SNX9: variants seen among roughly 807,000 people sequenced by gnomAD.
The protein encoded by SNX9 is sorting nexin 9.
SNX9 carries 44 observed loss-of-function variants against 89.4 expected under a neutral mutation model. The ratio of observed to expected loss-of-function variants is 0.49; its 90% CI spans 0.39 to 0.63. The LOEUF (loss-of-function observed/expected upper bound fraction) is 0.63. SNX9 is among the 30% of genes least tolerant of loss of function. The probability of loss-of-function intolerance (pLI) is 0.00; values close to 1 mark genes in which losing one functional copy is unlikely to be tolerated. For synonymous variants in SNX9, 236 were observed against 247.8 expected (o/e 0.95, Z 0.45); for missense variants, 578 against 736.1 (o/e 0.79, Z 2.49).
At chr6:157,921,697 T>C in intron 10 of SNX9, 36 bp downstream of exon 10, 2 of 1,597,524 alleles carry the variant, frequency 1.3e-6, no homozygotes, top group African/African-American at 2.7e-5. Flanking sequence ...CAGAGAATAT[T>C]GAGAGTTGTC....
chr6:157,874,870 A>G, intron 3 of SNX9, 181 bp from the exon 4 acceptor site: 1 of 536,062 alleles, frequency 1.9e-6, no homozygotes, highest in Non-Finnish European at 3.1e-6. Flanking sequence ...AAATAGTTTG[A>G]ACTAAATAAA....
intron 4 of SNX9, among the ~76,000 whole-genome samples, chr6:157,885,712 G>A (rs543395943): frequency 9.2e-5 from 14 of 152,198 alleles, no homozygotes; most frequent in African/African-American, 3.1e-4. Context: ...GGTGATAGGC[G>A]GACCCCTGAA....
chr6:157,831,006 A>G (rs1174217082), intron 1 of SNX9, among the ~76,000 whole-genome samples: 2 of 152,118 alleles, frequency 1.3e-5, no homozygotes, highest in East Asian at 1.9e-4. Flanking sequence ...AGTTTCGGTT[A>G]TCTTCTATTT....
chr6:157,829,123 T>G (rs1459274524), intron 1 of SNX9: 3 of 141,620 alleles, frequency 2.1e-5, no homozygotes, highest in Non-Finnish European at 4.4e-5. Context: ...AACACAAAAT[T>G]TACATCTGCA....
chr6:157,868,829 C>T (rs1163023716), intron 2 of SNX9, among the ~76,000 whole-genome samples: 2 of 152,202 alleles, frequency 1.3e-5, no homozygotes, highest in Admixed American at 6.5e-5. Context: ...CTGAGTAAAA[C>T]TTGAACCCAT....
intron 4 of SNX9, among the ~76,000 whole-genome samples, chr6:157,884,747 T>C (rs1782698963): frequency 6.6e-6 from 1 of 152,254 alleles, no homozygotes; most frequent in African/African-American, 2.4e-5. Flanking sequence ...CCCTGACATC[T>C]ATGAGACAGC....
At chr6:157,932,982 T>C (rs1176519014) in intron 13 of SNX9, among the ~76,000 whole-genome samples, 1 of 152,010 alleles carries the variant, frequency 6.6e-6, no homozygotes, top group African/African-American at 2.4e-5. Flanking sequence ...CTCATAACTG[T>C]TTCAGCTTAT....
intron 9 of SNX9, among the ~76,000 whole-genome samples, chr6:157,911,088 A>G (rs1459157485): frequency 6.6e-6 from 1 of 151,610 alleles, no homozygotes; most frequent in Non-Finnish European, 1.5e-5. Flanking sequence ...ACTCCAGCCC[A>G]GGCGACAGAG....
intron 9 of SNX9, among the ~76,000 whole-genome samples, chr6:157,915,640 A>AAATATATATATATATATATATAT (rs1472422303): frequency 3.2e-5 from 3 of 95,172 alleles, no homozygotes; most frequent in African/African-American, 4.7e-5. Context: ...AAAAAAAAAA[A>AAATATATATATATATATATATAT]ATATATATAT....
chr6:157,826,182 GT>G (rs1319075130), intron 1 of SNX9, among the ~76,000 whole-genome samples: 1 of 152,142 alleles, frequency 6.6e-6, no homozygotes, highest in Non-Finnish European at 1.5e-5. Context: ...AAGAACTTTA[GT>G]TTGACAGTCC....
In SNX9 at chr6:157,828,983, A is replaced by G. The variant is rs116225630; in HGVS notation, c.12+5537A>G. Among the ~76,000 whole-genome samples, 825 of 152,276 alleles carry G rather than the reference A, an allele frequency of 5.4e-3. 9 individuals are homozygous for G. The highest frequency in any genetic ancestry group is 0.019 in the African/African-American group (792 of 41,532). ...TTGTATCTTCAATGACAAGTTTAAA[A>G]GAGCAAAAATATATTCTAGTGAGAT... On this transcript the variant is annotated intron_variant, in intron 1 of 17. Transcript: ENST00000392185.
At chr6:157,832,777 C>G (rs1413449485) in intron 1 of SNX9, among the ~76,000 whole-genome samples, 1 of 152,166 alleles carries the variant, frequency 6.6e-6, no homozygotes, top group African/African-American at 2.4e-5. Context: ...CAATTACCCC[C>G]ACCAGGTGCC....
intron 9 of SNX9, among the ~76,000 whole-genome samples, chr6:157,915,640 A>AAAATATATATATATATATATAT (rs1472422303): frequency 3.4e-4 from 32 of 95,010 alleles, no homozygotes; most frequent in Non-Finnish European, 5.5e-4. Context: ...AAAAAAAAAA[A>AAAATATATATATATATATATAT]ATATATATAT....
At chr6:157,895,008 C>T (rs1318697500) in intron 4 of SNX9, among the ~76,000 whole-genome samples, 3 of 152,156 alleles carry the variant, frequency 2.0e-5, no homozygotes, top group Non-Finnish European at 4.4e-5. Context: ...CTCACAGGGC[C>T]TGTATCACAC....
At chr6:157,898,230 C>A (rs1048095226) in intron 5 of SNX9, among the ~76,000 whole-genome samples, 1 of 152,198 alleles carries the variant, frequency 6.6e-6, no homozygotes, top group Non-Finnish European at 1.5e-5. Context: ...TAGTAGCAAA[C>A]CTGGATTCAA....
chr6:157,936,945 A>T (rs1783938422), intron 14 of SNX9, among the ~76,000 whole-genome samples: 1 of 152,106 alleles, frequency 6.6e-6, no homozygotes, highest in Admixed American at 6.5e-5. Flanking sequence ...ACACACACTA[A>T]TGTGGTTGTG....
chr6:157,924,786 A>G (rs574612144), intron 10 of SNX9: 10 of 152,334 alleles, frequency 6.6e-5, no homozygotes, highest in African/African-American at 1.7e-4. Context: ...ATATTTTTAA[A>G]AAGATTGGCA....
At chr6:157,845,353 T>C (rs989644720) in intron 1 of SNX9, among the ~76,000 whole-genome samples, 1 of 152,124 alleles carries the variant, frequency 6.6e-6, no homozygotes, top group African/African-American at 2.4e-5. Context: ...TCAGGTGGTC[T>C]GCCTGCCTTG....
intron 13 of SNX9, among the ~76,000 whole-genome samples, chr6:157,935,393 C>G (rs1459876237): frequency 6.6e-6 from 1 of 152,106 alleles, no homozygotes; most frequent in Non-Finnish European, 1.5e-5. Context: ...GCCTCTAGGT[C>G]TAATAGCCAG....
Sources: allele counts gnomAD v4.1 joint callset (sites outside exome capture counted in the v4.1 genomes callset), GRCh38; gene constraint gnomAD v4.1.1; transcripts MANE v1.5; gene names NCBI Gene and HGNC (gene_info 2026-07-23, HGNC 2026-07-21).